Variants in POU6F2 observed in about 807,000 individuals in gnomAD.
POU6F2 encodes the protein POU domain, class 6, transcription factor 2.
POU6F2 carries 31 observed loss-of-function variants against 71.3 expected under a neutral mutation model. The ratio of observed to expected loss-of-function variants is 0.43; its 90% CI spans 0.33 to 0.59. The LOEUF is 0.59. Among genes scored for constraint, POU6F2 ranks in the 20% least tolerant of loss-of-function variants. The probability of loss-of-function intolerance (pLI) is 0.04; values close to 1 mark genes in which losing one functional copy is unlikely to be tolerated. For missense variants in POU6F2, 783 were observed against 856.8 expected (o/e 0.91, Z 1.07); for synonymous variants, 347 against 355.7 (o/e 0.98, Z 0.27).
intron 2 of POU6F2, among the ~76,000 whole-genome samples, chr7:39,141,233 C>T (rs1792493721): frequency 1.3e-5 from 2 of 152,134 alleles, no homozygotes; most frequent in Admixed American, 1.3e-4. Context: ...ATTATCAATA[C>T]AAAATCTCAC....
At chr7:38,979,058 G>A (rs1269047637) in intron 1 of POU6F2, among the ~76,000 whole-genome samples, 3 of 151,946 alleles carry the variant, frequency 2.0e-5, no homozygotes, top group East Asian at 3.9e-4. Context: ...TGATGGGGGT[G>A]GGGTAAGGAA....
At chr7:39,334,419 T>C (rs927150509) in intron 4 of POU6F2, among the ~76,000 whole-genome samples, 2 of 151,942 alleles carry the variant, frequency 1.3e-5, no homozygotes, top group Non-Finnish European at 2.9e-5. Flanking sequence ...ATTTGAGGAA[T>C]GGGTACATTA....
At chr7:39,202,980 A>G (rs763247763) in intron 2 of POU6F2, among the ~76,000 whole-genome samples, 1 of 152,248 alleles carries the variant, frequency 6.6e-6, no homozygotes, top group South Asian at 2.1e-4. Context: ...AGATTTCTGC[A>G]TAATGGCTTT....
intron 5 of POU6F2, among the ~76,000 whole-genome samples, chr7:39,382,862 G>A (rs960812076): frequency 6.6e-6 from 1 of 152,098 alleles, no homozygotes; most frequent in African/African-American, 2.4e-5. Flanking sequence ...GAGCCAGGCA[G>A]GTCACACTAT....
At chr7:39,200,954 G>A (rs1793886731) in intron 2 of POU6F2, among the ~76,000 whole-genome samples, 1 of 152,028 alleles carries the variant, frequency 6.6e-6, no homozygotes, top group Non-Finnish European at 1.5e-5. Flanking sequence ...TTGAGCCCAG[G>A]AGATCAAGGT....
chr7:39,385,060 A>G (rs1421774153), intron 5 of POU6F2, among the ~76,000 whole-genome samples: 1 of 152,230 alleles, frequency 6.6e-6, no homozygotes, highest in Non-Finnish European at 1.5e-5. Context: ...ATAATCAAAA[A>G]CATATAATAC....
intron 1 of POU6F2, among the ~76,000 whole-genome samples, chr7:39,074,147 G>A (rs183657276): frequency 6.6e-6 from 1 of 152,218 alleles, no homozygotes; most frequent in South Asian, 2.1e-4. Flanking sequence ...TCCAGAGTTC[G>A]AGACCAGCCA....
chr7:39,244,837 C>T (rs1283167545), intron 4 of POU6F2, among the ~76,000 whole-genome samples: 1 of 152,168 alleles, frequency 6.6e-6, no homozygotes, highest in Non-Finnish European at 1.5e-5. Context: ...AACTTCACAG[C>T]TGCCCCTTAC....
intron 7 of POU6F2, among the ~76,000 whole-genome samples, chr7:39,436,625 G>C (rs567198267): frequency 1.3e-5 from 2 of 151,896 alleles, no homozygotes; most frequent in South Asian, 4.2e-4. Context: ...TTCCTCTCTC[G>C]CCTGATTGCC....
intron 1 of POU6F2, among the ~76,000 whole-genome samples, chr7:39,072,184 C>G (rs1383187913): frequency 6.6e-6 from 1 of 152,154 alleles, no homozygotes; most frequent in Non-Finnish European, 1.5e-5. Flanking sequence ...AAAGTGCATG[C>G]CCCTGTGGAG....
At chr7:39,427,259 AG>A (rs1320085988) in intron 6 of POU6F2, among the ~76,000 whole-genome samples, 2 of 152,224 alleles carry the variant, frequency 1.3e-5, no homozygotes, top group Non-Finnish European at 2.9e-5. Context: ...CCTATTTTAC[AG>A]GTGAGTAGAC....
chr7:39,198,594 G>T (rs1468858537), intron 2 of POU6F2, among the ~76,000 whole-genome samples: 1 of 152,200 alleles, frequency 6.6e-6, no homozygotes, highest in Non-Finnish European at 1.5e-5. Flanking sequence ...ACCTGACAAT[G>T]TAATTTGCAA....
chr7:39,122,275 A>C (rs1314159088), intron 2 of POU6F2, among the ~76,000 whole-genome samples: 1 of 152,232 alleles, frequency 6.6e-6, no homozygotes, highest in Non-Finnish European at 1.5e-5. Context: ...CACAATTCAC[A>C]CACACAGTAA....
At chr7:39,359,391 T>C (rs1786328330) in intron 5 of POU6F2, among the ~76,000 whole-genome samples, 1 of 152,136 alleles carries the variant, frequency 6.6e-6, no homozygotes, top group Non-Finnish European at 1.5e-5. Context: ...ATTTTAAACA[T>C]CCTCTGGATT....
chr7:39,374,618 C>T (rs1786674597), intron 5 of POU6F2, among the ~76,000 whole-genome samples: 1 of 152,226 alleles, frequency 6.6e-6, no homozygotes, highest in Non-Finnish European at 1.5e-5. Context: ...CCCCACAAGA[C>T]ACCTTTCCAT....
At chr7:39,092,626 A>T (rs1372669452) in intron 2 of POU6F2, among the ~76,000 whole-genome samples, 1 of 152,144 alleles carries the variant, frequency 6.6e-6, no homozygotes, top group Non-Finnish European at 1.5e-5. Flanking sequence ...CTTTGACAAT[A>T]TGGGGGCTTC....
At chr7:38,983,964 G>C (rs1047794340) in intron 1 of POU6F2, among the ~76,000 whole-genome samples, 8 of 151,966 alleles carry the variant, frequency 5.3e-5, no homozygotes, top group African/African-American at 1.9e-4. Context: ...AACCCCCATG[G>C]TATGAAAGAT....
chr7:39,091,396 G>A (rs1185758393), intron 2 of POU6F2, among the ~76,000 whole-genome samples: 4 of 152,056 alleles, frequency 2.6e-5, no homozygotes, highest in Non-Finnish European at 5.9e-5. Flanking sequence ...GATACTCCAT[G>A]GTAGCACATT....
chr7:39,360,634 A>C (rs1179409574), intron 5 of POU6F2, among the ~76,000 whole-genome samples: 1 of 152,230 alleles, frequency 6.6e-6, no homozygotes, highest in Non-Finnish European at 1.5e-5. Flanking sequence ...AGTCCATACA[A>C]TAAAGTGAAA....
Sources: gnomAD v4.1 joint callset for allele counts (sites outside exome capture counted in the v4.1 genomes callset) on GRCh38, gnomAD v4.1.1 for gene constraint, MANE v1.5 for transcripts, NCBI Gene and HGNC (gene_info 2026-07-23, HGNC 2026-07-21) for gene names.